The following BCAT1 variants were observed in gnomAD, a reference collection of about 807,000 sequenced individuals.
The protein encoded by BCAT1 is branched-chain-amino-acid aminotransferase, cytosolic.
A neutral mutation model predicts 52.4 loss-of-function variants in BCAT1; 48 were observed. That is an observed-to-expected ratio of 0.92 (90% CI 0.73 to 1.16). The LOEUF is 1.16. Among genes scored for constraint, BCAT1 ranks in the 50% most tolerant of loss-of-function variants. The probability of loss-of-function intolerance (pLI) is 0.00; values close to 1 mark genes in which losing one functional copy is unlikely to be tolerated. For synonymous variants in BCAT1, 167 were observed against 161.3 expected (o/e 1.04, Z -0.27); for missense variants, 451 against 457.1 (o/e 0.99, Z 0.12).
At chr12:24,911,578 G>T (rs1860776478) in intron 1 of BCAT1, among the ~76,000 whole-genome samples, 1 of 152,204 alleles carries the variant, frequency 6.6e-6, no homozygotes, top group African/African-American at 2.4e-5. Context: ...TTCCAGTGGA[G>T]TCTGTTGCAT....
chr12:24,924,859 T>G (rs750709900), intron 1 of BCAT1, among the ~76,000 whole-genome samples: 2 of 152,214 alleles, frequency 1.3e-5, no homozygotes, highest in Non-Finnish European at 2.9e-5. Context: ...ATGAAGTATT[T>G]AGATAGGAAA....
In BCAT1 at chr12:24,829,832, A is replaced by G; in HGVS notation, c.1110T>C (p.Thr370=). 1.2e-6 allele frequency: 2 copies of G among 1,608,916 alleles called. No homozygotes were observed. Among genetic ancestry groups the G allele is most frequent in the Non-Finnish European group, 1.7e-6 (2 of 1,176,824 alleles). The part of the protein sequence containing the change: ...KLASRILSKL[T]DIQYGREESD... The stretch of plus-strand genomic sequence containing the variant: ...AAAAGAAAAGCTTTACCTGGATATC[A>G]GTTAATTTGCTCAAGATGCGGCTTG... Residue 370 remains threonine (T), a synonymous_variant, in exon 10 of 11, where the codon ACT becomes ACC. Coordinates refer to ENST00000261192, the MANE Select transcript of BCAT1 (RefSeq NM_005504.7).
At chr12:24,905,646 TAGTC>T (rs1274661798) in intron 1 of BCAT1, among the ~76,000 whole-genome samples, 5 of 152,182 alleles carry the variant, frequency 3.3e-5, no homozygotes, top group African/African-American at 1.2e-4. Context: ...GAAGTGCTAT[TAGTC>T]AGCAACAGCT....
At chr12:24,856,108 T>C (rs1794463269) in intron 5 of BCAT1, among the ~76,000 whole-genome samples, 1 of 152,210 alleles carries the variant, frequency 6.6e-6, no homozygotes, top group Non-Finnish European at 1.5e-5. Context: ...GCACCTTACA[T>C]GTAAGCCACT....
At position 24,824,272 on chromosome 12, in the gene BCAT1, C is replaced by CCTTCCTTCCTTCCTTCCTTCCTTCCT. The variant is rs1477491998; in HGVS notation, c.1119+5550_1119+5551insAGGAAGGAAGGAAGGAAGGAAGGAAG. 1.3e-3 allele frequency among the ~76,000 whole-genome samples: 167 copies of CCTTCCTTCCTTCCTTCCTTCCTTCCT among 124,634 alleles called. 11 individuals carry two copies. The Middle Eastern group carries it at 0.022, about 17-fold the overall frequency. 81.8% of individuals were successfully genotyped at this position (124,634 alleles called of 152,430 possible). Reference sequence around the variant, plus strand: ...CTTCCTTCCTTCCTTCCTTCATTCCCTCCCTCCCTCCCTCCCTCCCTCCCT... The same window carrying CCTTCCTTCCTTCCTTCCTTCCTTCCT: ...CTTCCTTCCTTCCTTCCTTCATTCCCCTTCCTTCCTTCCTTCCTTCCTTCCTTCCCTCCCTCCCTCCCTCCCTCCCT... On this transcript the variant is annotated intron_variant, in intron 10 of 10. Coordinates refer to ENST00000261192, the MANE Select transcript of BCAT1 (RefSeq NM_005504.7).
At chr12:24,860,700 G>A (rs1474790143) in intron 5 of BCAT1, among the ~76,000 whole-genome samples, 3 of 152,168 alleles carry the variant, frequency 2.0e-5, no homozygotes, top group African/African-American at 7.2e-5. Flanking sequence ...AAAGCCTCTG[G>A]GAAAAGCTGG....
Position 24,832,887 on chromosome 12 carries a change from A to G in BCAT1, c.904-24T>C, listed in dbSNP as rs745338975. ...CCCTGCATGGAATATAAAAAATAACAAGTATATTTTAAAGGAAAAGGCATG... is the reference window on the plus strand; with the variant it reads ...CCCTGCATGGAATATAAAAAATAACGAGTATATTTTAAAGGAAAAGGCATG... On this transcript the variant is annotated intron_variant, in intron 8 of 10. Coordinates refer to ENST00000261192, the MANE Select transcript of BCAT1 (RefSeq NM_005504.7). 1.1e-5 allele frequency: 18 copies of G among 1,586,678 alleles called. No homozygotes were observed. In the Admixed American group the frequency reaches 3.2e-4, roughly 29 times the overall value.
chr12:24,836,997 G>C, intron 7 of BCAT1, among the ~76,000 whole-genome samples: 1 of 132,264 alleles, frequency 7.6e-6, no homozygotes, highest in Non-Finnish European at 1.6e-5. Flanking sequence ...GAGGGAGGAA[G>C]GAACGAAGGA....
At chr12:24,862,143 C>G (rs1321648964) in intron 5 of BCAT1, among the ~76,000 whole-genome samples, 3 of 152,206 alleles carry the variant, frequency 2.0e-5, no homozygotes. Flanking sequence ...AACCAGAAGC[C>G]TTCAGTGCTG....
At chr12:24,886,832 T>TAAAAAA (rs1216608757) in intron 3 of BCAT1, among the ~76,000 whole-genome samples, 1,615 of 121,514 alleles carry the variant, frequency 0.013, 43 homozygotes, top group African/African-American at 0.046. Flanking sequence ...CCCTGTCTCT[T>TAAAAAA]AAAAAAAAAA....
At chr12:24,855,663 G>C (rs1012356549) in intron 5 of BCAT1, among the ~76,000 whole-genome samples, 1 of 152,214 alleles carries the variant, frequency 6.6e-6, no homozygotes, top group African/African-American at 2.4e-5. Context: ...TTACAGGCGT[G>C]AACTACCACG....
intron 5 of BCAT1, among the ~76,000 whole-genome samples, chr12:24,859,712 G>A (rs535511452): frequency 6.6e-6 from 1 of 151,454 alleles, no homozygotes; most frequent in East Asian, 1.9e-4. Context: ...CCTGGGATTC[G>A]ATTTTATAAT....
chr12:24,886,576 T>C (rs927079090), intron 3 of BCAT1, among the ~76,000 whole-genome samples: 3 of 152,196 alleles, frequency 2.0e-5, no homozygotes, highest in Admixed American at 1.3e-4. Context: ...GTAAAAGCAC[T>C]TTATGTGACA....
chr12:24,846,854 G>A (rs1941358480), intron 6 of BCAT1, among the ~76,000 whole-genome samples: 1 of 152,102 alleles, frequency 6.6e-6, no homozygotes, highest in South Asian at 2.1e-4. Flanking sequence ...TGCCAGACTG[G>A]GTGCTAAGTA....
intron 10 of BCAT1, among the ~76,000 whole-genome samples, chr12:24,827,758 C>G (rs1240739411): frequency 6.6e-6 from 1 of 152,170 alleles, no homozygotes; most frequent in Non-Finnish European, 1.5e-5. Context: ...CACCACTGCA[C>G]CCCAGCCTGA....
intron 3 of BCAT1, among the ~76,000 whole-genome samples, chr12:24,885,072 A>G (rs1015485494): frequency 6.6e-6 from 1 of 152,212 alleles, no homozygotes; most frequent in African/African-American, 2.4e-5. Context: ...GAATATGTAC[A>G]ACCAGTATAA....
At chr12:24,874,576 C>A (rs1942275298) in intron 5 of BCAT1, among the ~76,000 whole-genome samples, 1 of 152,148 alleles carries the variant, frequency 6.6e-6, no homozygotes, top group African/African-American at 2.4e-5. Flanking sequence ...CACTTTGGTG[C>A]CATTAAAAGT....
intron 1 of BCAT1, among the ~76,000 whole-genome samples, chr12:24,927,754 G>C (rs1943613614): frequency 6.6e-6 from 1 of 152,226 alleles, no homozygotes; most frequent in Admixed American, 6.5e-5. Context: ...CCAAAGGTGA[G>C]GCTGAAAACA....
At chr12:24,837,730 G>C (rs7969149) in intron 7 of BCAT1, among the ~76,000 whole-genome samples, 69,819 of 151,802 alleles carry the variant, frequency 0.46, 16,363 homozygotes, top group East Asian at 0.63. Flanking sequence ...CCCAGCCTAA[G>C]AGTCTATCTT....
Sources: gnomAD v4.1 joint callset for allele counts (sites outside exome capture counted in the v4.1 genomes callset) on GRCh38, gnomAD v4.1.1 for gene constraint, MANE v1.5 for transcripts, NCBI Gene and HGNC (gene_info 2026-07-23, HGNC 2026-07-21) for gene names.